The following ME1 variants were observed in gnomAD, a reference collection of about 807,000 sequenced individuals.
ME1 encodes NADP-dependent malic enzyme.
Under a neutral mutation model 66.4 loss-of-function variants are expected in ME1, and 74 were observed. That is an observed-to-expected ratio of 1.11 (90% CI 0.92 to 1.35). ME1 has a LOEUF of 1.35. Ranked by LOEUF, ME1 falls within the 40% of genes most tolerant of loss-of-function variation. ME1 has a pLI of 0.00. For synonymous variants in ME1, 251 were observed against 235.6 expected (o/e 1.07, Z -0.60); for missense variants, 750 against 694.1 (o/e 1.08, Z -0.90).
chr6:83,373,597 A>G (rs1362029852), intron 3 of ME1, among the ~76,000 whole-genome samples: 2 of 152,222 alleles, frequency 1.3e-5, no homozygotes, highest in South Asian at 4.1e-4. Flanking sequence ...TGTTAAATTT[A>G]TTTTAATTTA....
chr6:83,282,856 A>G (rs1346137963), intron 6 of ME1, among the ~76,000 whole-genome samples: 1 of 152,124 alleles, frequency 6.6e-6, no homozygotes, highest in African/African-American at 2.4e-5. Context: ...TATGGAACCA[A>G]CCCAAATGTC....
At chr6:83,424,348 C>T (rs941882779) in intron 1 of ME1, among the ~76,000 whole-genome samples, 3 of 151,266 alleles carry the variant, frequency 2.0e-5, no homozygotes, top group African/African-American at 7.3e-5. Context: ...ACAAGCTATA[C>T]AAAGAAATAT....
intron 5 of ME1, 43 bp from the exon 6 acceptor site, chr6:83,315,456 A>C: frequency 8.7e-7 from 1 of 1,151,180 alleles, no homozygotes; most frequent in Non-Finnish European, 1.3e-6. Context: ...AACTATAACC[A>C]AATCATTTAT....
chr6:83,266,151 T>C (rs566562912), intron 6 of ME1, among the ~76,000 whole-genome samples: 7 of 152,274 alleles, frequency 4.6e-5, no homozygotes, highest in South Asian at 4.1e-4. Context: ...ATAACAATCA[T>C]TCAGATCTTC....
chr6:83,246,437 T>C (rs1490027463), intron 7 of ME1, among the ~76,000 whole-genome samples: 1 of 152,152 alleles, frequency 6.6e-6, no homozygotes, highest in Non-Finnish European at 1.5e-5. Context: ...CATACTGATA[T>C]GTGTATATTC....
intron 5 of ME1, among the ~76,000 whole-genome samples, chr6:83,340,599 A>G (rs1466391533): frequency 6.6e-6 from 1 of 152,160 alleles, no homozygotes; most frequent in African/African-American, 2.4e-5. Flanking sequence ...ACATGAGCAA[A>G]ACACAGAAAC....
chr6:83,343,612 C>G (rs765222352), intron 5 of ME1, among the ~76,000 whole-genome samples: 5 of 152,048 alleles, frequency 3.3e-5, no homozygotes, highest in African/African-American at 4.8e-5. Context: ...ATGAACCAGA[C>G]ATGTCTTAAT....
chr6:83,306,264 T>C (rs16883585), intron 6 of ME1, among the ~76,000 whole-genome samples: 5,771 of 152,020 alleles, frequency 0.038, 376 homozygotes, highest in African/African-American at 0.13. Context: ...TTAATCTTGC[T>C]AAATTAAAGT....
At chr6:83,329,846 G>C (rs1435135722) in intron 5 of ME1, among the ~76,000 whole-genome samples, 1 of 151,870 alleles carries the variant, frequency 6.6e-6, no homozygotes, top group African/African-American at 2.4e-5. Flanking sequence ...TTAGAGACAA[G>C]TTCTCACTCT....
intron 6 of ME1, among the ~76,000 whole-genome samples, chr6:83,287,340 T>C (rs1033580235): frequency 6.6e-6 from 1 of 152,106 alleles, no homozygotes; most frequent in Non-Finnish European, 1.5e-5. Flanking sequence ...TGTTTGATAT[T>C]CCCCTCCCTG....
At chr6:83,356,817 A>AT (rs1485408758) in intron 3 of ME1, among the ~76,000 whole-genome samples, 1 of 152,164 alleles carries the variant, frequency 6.6e-6, no homozygotes, top group African/African-American at 2.4e-5. Context: ...GATGTAATGC[A>AT]TTTCCTACAA....
intron 6 of ME1, among the ~76,000 whole-genome samples, chr6:83,306,173 A>G (rs1767821031): frequency 6.6e-6 from 1 of 152,084 alleles, no homozygotes; most frequent in African/African-American, 2.4e-5. Flanking sequence ...GAGCGGATGT[A>G]TCATTCTTAT....
intron 6 of ME1, among the ~76,000 whole-genome samples, chr6:83,290,354 C>T (rs759212746): frequency 7.2e-5 from 11 of 152,040 alleles, no homozygotes; most frequent in African/African-American, 1.9e-4. Flanking sequence ...TTTCAAAGAA[C>T]GTGTTTATTT....
intron 1 of ME1, among the ~76,000 whole-genome samples, chr6:83,426,419 C>T (rs995995349): frequency 1.3e-5 from 2 of 152,186 alleles, no homozygotes; most frequent in Non-Finnish European, 2.9e-5. Context: ...CAAACATATA[C>T]AGAGGTACCT....
At chr6:83,241,065 T>A (rs988207549) in intron 7 of ME1, among the ~76,000 whole-genome samples, 1 of 152,156 alleles carries the variant, frequency 6.6e-6, no homozygotes, top group Non-Finnish European at 1.5e-5. Context: ...GGCTAGTGTA[T>A]GTAGAGAATA....
intron 1 of ME1, among the ~76,000 whole-genome samples, chr6:83,420,938 G>GT (rs545299576): frequency 6.4e-4 from 97 of 151,178 alleles, no homozygotes; most frequent in African/African-American, 2.1e-3. Context: ...TTAGTTTTTT[G>GT]TTTTTTTGGT....
chr6:83,262,120 T>C (rs1766911193), intron 6 of ME1, among the ~76,000 whole-genome samples: 1 of 151,874 alleles, frequency 6.6e-6, no homozygotes, highest in African/African-American at 2.4e-5. Context: ...CAACCAAGTA[T>C]AACAATAATG....
intron 3 of ME1, among the ~76,000 whole-genome samples, chr6:83,386,109 T>C (rs576046422): frequency 6.6e-6 from 1 of 151,790 alleles, no homozygotes; most frequent in Non-Finnish European, 1.5e-5. Context: ...GGAAATGAAA[T>C]AAATGGACCA....
chr6:83,351,948 C>G (rs1768808994), intron 4 of ME1, 116 bp downstream of exon 4: 1 of 514,742 alleles, frequency 1.9e-6, no homozygotes, highest in Non-Finnish European at 3.4e-6. Context: ...GTGATATTCA[C>G]TAGAAAAGCT....
Sources: allele counts gnomAD v4.1 joint callset (sites outside exome capture counted in the v4.1 genomes callset), GRCh38; gene constraint gnomAD v4.1.1; transcripts MANE v1.5; gene names NCBI Gene and HGNC (gene_info 2026-07-23, HGNC 2026-07-21).